Variants in EPM2A observed in about 807,000 individuals in gnomAD.
EPM2A encodes the protein EPM2A glucan phosphatase, laforin.
A neutral mutation model predicts 26.5 loss-of-function variants in EPM2A; 21 were observed. The observed-to-expected ratio is 0.79, with a 90% CI of 0.56 to 1.14. EPM2A has a LOEUF of 1.14. Among genes scored for constraint, EPM2A ranks in the 50% most tolerant of loss-of-function variants. EPM2A has a pLI of 0.00. For synonymous variants in EPM2A, 217 were observed against 177.6 expected (o/e 1.22, Z -1.76); for missense variants, 458 against 440.8 (o/e 1.04, Z -0.35).
chr6:145,581,328 T>C (rs1217373822), intron 2 of EPM2A, among the ~76,000 whole-genome samples: 3 of 152,136 alleles, frequency 2.0e-5, no homozygotes, highest in Non-Finnish European at 4.4e-5. Flanking sequence ...ATGTCTTTTG[T>C]CTGTTTTTAA....
intron 4 of EPM2A, among the ~76,000 whole-genome samples, chr6:145,434,254 A>C (rs528393453): frequency 6.4e-5 from 9 of 141,678 alleles, no homozygotes; most frequent in African/African-American, 2.4e-4. Flanking sequence ...TCTTTTTTTT[A>C]TCTCTCTCTC....
intron 4 of EPM2A, among the ~76,000 whole-genome samples, chr6:145,406,381 G>A (rs1778569770): frequency 6.6e-6 from 1 of 152,164 alleles, no homozygotes; most frequent in Non-Finnish European, 1.5e-5. Context: ...CTATAGTTCA[G>A]ATGGCAGTGC....
At position 145,665,736 on chromosome 6, in the gene EPM2A, C is replaced by T. The variant is rs1265726246; in HGVS notation, c.476+20386G>A. On this transcript the variant is annotated intron_variant, in intron 2 of 3. Transcript: ENST00000367519. ...AAAAAGAGAATTTTAGACCAATATCCTTGATGAACATTGATGCAAAAATCC... is the reference window on the plus strand; with the variant it reads ...AAAAAGAGAATTTTAGACCAATATCTTTGATGAACATTGATGCAAAAATCC... Among the ~76,000 whole-genome samples, 3 of 111,724 alleles carry T rather than the reference C, an allele frequency of 2.7e-5. 1 individual carries two copies. Among genetic ancestry groups the T allele is most frequent in the Non-Finnish European group, 5.4e-5 (3 of 55,236 alleles). 73.3% of individuals were successfully genotyped at this position (111,724 alleles called of 152,430 possible). A position where few individuals can be genotyped will look rare whatever the true frequency, so the allele number is the denominator to read the frequency against.
intron 1 of EPM2A, among the ~76,000 whole-genome samples, chr6:145,708,333 G>C (rs1173495800): frequency 6.6e-6 from 1 of 152,212 alleles, no homozygotes; most frequent in Non-Finnish European, 1.5e-5. Context: ...AATGTCTCCA[G>C]GGAATGTCAG....
At chr6:145,630,028 C>G (rs990539871) in intron 3 of EPM2A, 1 of 152,258 alleles carries the variant, frequency 6.6e-6, no homozygotes, top group Non-Finnish European at 1.5e-5. Flanking sequence ...CCAAATAGCA[C>G]AAATGATGCA....
intron 2 of EPM2A, among the ~76,000 whole-genome samples, chr6:145,668,403 GA>G (rs1176129097): frequency 6.6e-6 from 1 of 151,972 alleles, no homozygotes; most frequent in African/African-American, 2.4e-5. Flanking sequence ...TCCTTGGAGA[GA>G]AAAAAAGGTT....
chr6:145,666,937 G>C (rs1284981563), intron 2 of EPM2A, among the ~76,000 whole-genome samples: 66 of 136,760 alleles, frequency 4.8e-4, no homozygotes, highest in Non-Finnish European at 8.5e-4. Flanking sequence ...TTAATAAATG[G>C]TGCTGGGAAA....
At chr6:145,549,049 T>A (rs1378110620) in intron 2 of EPM2A, among the ~76,000 whole-genome samples, 2 of 152,152 alleles carry the variant, frequency 1.3e-5, no homozygotes, top group African/African-American at 2.4e-5. Context: ...TTATCTGTTT[T>A]GGCATCTGCC....
At chr6:145,435,689 AC>A in intron 4 of EPM2A, among the ~76,000 whole-genome samples, 1 of 152,176 alleles carries the variant, frequency 6.6e-6, no homozygotes, top group African/African-American at 2.4e-5. Context: ...GACTGATACA[AC>A]TACTAATATA....
At chr6:145,647,472 C>G (rs1777563356) in intron 2 of EPM2A, among the ~76,000 whole-genome samples, 1 of 152,136 alleles carries the variant, frequency 6.6e-6, no homozygotes, top group Non-Finnish European at 1.5e-5. Context: ...TTATACATAC[C>G]TTTGTAAAGA....
chr6:145,680,176 G>C (rs1217587459), intron 2 of EPM2A: 2 of 151,878 alleles, frequency 1.3e-5, no homozygotes, highest in Non-Finnish European at 2.9e-5. Context: ...GGAAAGAAGA[G>C]GGAGAAAGAT....
chr6:145,537,277 A>G (rs1313469747), intron 2 of EPM2A, among the ~76,000 whole-genome samples: 1 of 152,126 alleles, frequency 6.6e-6, no homozygotes, highest in Non-Finnish European at 1.5e-5. Flanking sequence ...TCCTTTTTAT[A>G]TATGGTCTCT....
chr6:145,465,376 T>C (rs1232120382), intron 4 of EPM2A, among the ~76,000 whole-genome samples: 2 of 151,426 alleles, frequency 1.3e-5, no homozygotes, highest in African/African-American at 4.9e-5. Flanking sequence ...TTCTTCTAAA[T>C]TTTTTTCAAA....
chr6:145,387,412 T>C (rs1345450931), intron 4 of EPM2A, among the ~76,000 whole-genome samples: 1 of 152,146 alleles, frequency 6.6e-6, no homozygotes, highest in Non-Finnish European at 1.5e-5. Context: ...CAGACTGTCC[T>C]GCCTCCACCA....
At chr6:145,717,214 T>C (rs60050606) in intron 1 of EPM2A, among the ~76,000 whole-genome samples, 94 of 152,240 alleles carry the variant, frequency 6.2e-4, no homozygotes, top group Middle Eastern at 3.4e-3. Context: ...TGCAAAAATC[T>C]TCAATAAAAT....
chr6:145,595,338 A>G (rs377466637), intron 2 of EPM2A, among the ~76,000 whole-genome samples: 108 of 152,040 alleles, frequency 7.1e-4, no homozygotes, highest in African/African-American at 2.5e-3. Context: ...GGGGCATTAC[A>G]TAATGATAGA....
chr6:145,658,066 T>C (rs1378804420), intron 2 of EPM2A, among the ~76,000 whole-genome samples: 2 of 152,218 alleles, frequency 1.3e-5, no homozygotes, highest in African/African-American at 4.8e-5. Flanking sequence ...TTTACTATTT[T>C]AATGTTCCCC....
At chr6:145,412,075 G>C (rs1353092152) in intron 4 of EPM2A, among the ~76,000 whole-genome samples, 1 of 151,984 alleles carries the variant, frequency 6.6e-6, no homozygotes, top group Non-Finnish European at 1.5e-5. Context: ...AAATTGGCCG[G>C]GTGCGGTGGC....
chr6:145,474,011 CAG>C (rs1423916920), intron 4 of EPM2A, among the ~76,000 whole-genome samples: 5 of 152,080 alleles, frequency 3.3e-5, no homozygotes, highest in African/African-American at 1.2e-4. Context: ...CACAGAAAAA[CAG>C]AGAATATTAT....
Sources: allele counts gnomAD v4.1 joint callset (sites outside exome capture counted in the v4.1 genomes callset), GRCh38; gene constraint gnomAD v4.1.1; transcripts MANE v1.5; gene names NCBI Gene and HGNC (gene_info 2026-07-23, HGNC 2026-07-21).